KIF16B: variants seen among roughly 807,000 people sequenced by gnomAD.
The protein encoded by KIF16B is kinesin-like protein KIF16B.
Under a neutral mutation model 156.3 loss-of-function variants are expected in KIF16B, and 98 were observed. The observed-to-expected ratio is 0.63, with a 90% CI of 0.53 to 0.74. The LOEUF is 0.74. Among genes scored for constraint, KIF16B ranks in the 30% least tolerant of loss-of-function variants. The pLI is 0.00. For missense variants in KIF16B, 1,421 were observed against 1,606.5 expected, an observed-to-expected ratio of 0.88 and a Z score of 1.97; for synonymous variants, 564 against 583.7, an observed-to-expected ratio of 0.97 and a Z score of 0.49.
At chr20:16,423,876 T>A (rs953310177) in intron 15 of KIF16B, among the ~76,000 whole-genome samples, 3 of 152,038 alleles carry the variant, frequency 2.0e-5, no homozygotes, top group African/African-American at 7.2e-5. Flanking sequence ...TTTAACTGTG[T>A]ATCTTCCCAT....
intron 23 of KIF16B, 81 bp from the exon 24 acceptor site, chr20:16,336,096 AT>A: frequency 1.2e-6 from 1 of 843,758 alleles, no homozygotes; most frequent in Non-Finnish European, 1.9e-6. Context: ...TAAAAATTAA[AT>A]TTAAAAAAAG....
intron 11 of KIF16B, among the ~76,000 whole-genome samples, chr20:16,496,744 A>T (rs1450629988): frequency 6.6e-6 from 1 of 152,242 alleles, no homozygotes; most frequent in Non-Finnish European, 1.5e-5. Context: ...AATTTGAAGC[A>T]CTAATAAATA....
chr20:16,383,723 T>G (rs145313299), intron 17 of KIF16B, among the ~76,000 whole-genome samples: 81 of 152,346 alleles, frequency 5.3e-4, no homozygotes, highest in African/African-American at 1.8e-3. Flanking sequence ...TCAAAAAGAA[T>G]CATTGGATAA....
chr20:16,558,767 G>A (rs1002772873), intron 1 of KIF16B, among the ~76,000 whole-genome samples: 11 of 152,008 alleles, frequency 7.2e-5, no homozygotes, highest in African/African-American at 2.4e-4. Context: ...AGCTGGGTGC[G>A]GTGGTAGGCG....
rs113596879 is a variant in KIF16B at position 16,449,294 on chromosome 20, T to C, written c.1303-19312A>G. On this transcript the variant is annotated intron_variant, in intron 12 of 25. Coordinates refer to ENST00000354981, the MANE Select transcript of KIF16B (RefSeq NM_024704.5). ...AAAATTTTAAATTTTAAAAATAAAATTGTAAATCCTATAGTATCAACACAA... is the reference window on the plus strand; with the variant it reads ...AAAATTTTAAATTTTAAAAATAAAACTGTAAATCCTATAGTATCAACACAA... 1.4e-3 allele frequency among the ~76,000 whole-genome samples: 213 copies of C among 152,220 alleles called. 2 individuals carry two copies. Among genetic ancestry groups the C allele is most frequent in the African/African-American group, 4.5e-3 (186 of 41,538 alleles).
At chr20:16,292,890 T>C (rs977551704) in intron 25 of KIF16B, among the ~76,000 whole-genome samples, 1 of 152,180 alleles carries the variant, frequency 6.6e-6, no homozygotes. Flanking sequence ...AAGTAGCAAA[T>C]GCAATGTTAA....
chr20:16,427,251 A>G lies in KIF16B; in HGVS notation c.1475-10T>C. The G allele has an allele frequency of 6.2e-7, 1 of 1,601,050 alleles. No individual in the cohort carries two copies. The highest frequency in any genetic ancestry group is 8.5e-7 in the Non-Finnish European group (1 of 1,175,520). On this transcript the variant is annotated splice_polypyrimidine_tract_variant and intron_variant, in intron 14 of 25. Transcript: ENST00000354981. ...TCAAGGCCATGAAGAACTAAAGTGGAAAAACAAAGTAGAAAGAATTTTTCC... is the reference window on the plus strand; with the variant it reads ...TCAAGGCCATGAAGAACTAAAGTGGGAAAACAAAGTAGAAAGAATTTTTCC...
chr20:16,521,974 G>A (rs1166784741), intron 3 of KIF16B, among the ~76,000 whole-genome samples: 1 of 152,174 alleles, frequency 6.6e-6, no homozygotes, highest in Admixed American at 6.5e-5. Flanking sequence ...CAAATGCTGA[G>A]AGATTTTGCC....
chr20:16,536,960 A>G (rs1044753723), intron 1 of KIF16B, among the ~76,000 whole-genome samples: 1 of 151,876 alleles, frequency 6.6e-6, no homozygotes, highest in Admixed American at 6.6e-5. Context: ...CCCAACATTC[A>G]GTTACCTAGT....
At chr20:16,332,771 T>C (rs750930628) in intron 24 of KIF16B, among the ~76,000 whole-genome samples, 1 of 152,188 alleles carries the variant, frequency 6.6e-6, no homozygotes, top group South Asian at 2.1e-4. Flanking sequence ...AAAAAATTTT[T>C]CTTAATTATT....
At chr20:16,522,939 G>T (rs1267069253) in intron 3 of KIF16B, among the ~76,000 whole-genome samples, 2 of 152,030 alleles carry the variant, frequency 1.3e-5, no homozygotes, top group African/African-American at 4.8e-5. Flanking sequence ...AAAACCACAT[G>T]ATTATCTCAA....
intron 22 of KIF16B, among the ~76,000 whole-genome samples, chr20:16,362,653 A>C (rs1024491057): frequency 2.6e-5 from 4 of 152,240 alleles, no homozygotes; most frequent in African/African-American, 9.6e-5. Flanking sequence ...TATATTCTAG[A>C]GTAGAAAAGT....
intron 8 of KIF16B, 42 bp from the exon 9 acceptor site, chr20:16,505,895 A>T (rs1434353314): frequency 6.2e-7 from 1 of 1,608,116 alleles, no homozygotes; most frequent in Non-Finnish European, 8.5e-7. Flanking sequence ...GACAATTAGT[A>T]AAATTTTTTT....
chr20:16,523,026 A>C (rs1388138804), intron 3 of KIF16B, among the ~76,000 whole-genome samples: 1 of 152,200 alleles, frequency 6.6e-6, no homozygotes, highest in Admixed American at 6.5e-5. Flanking sequence ...TATTGATGGA[A>C]GGTATCTCAA....
At chr20:16,273,485 GT>G in intron 25 of KIF16B, 74 bp from the exon 26 acceptor site, 1 of 1,239,360 alleles carries the variant, frequency 8.1e-7, no homozygotes, top group Non-Finnish European at 1.2e-6. Context: ...GAGCTCAGGA[GT>G]TTGAGACCAG....
intron 25 of KIF16B, among the ~76,000 whole-genome samples, chr20:16,311,771 C>T (rs559061936): frequency 1.1e-4 from 17 of 152,136 alleles, no homozygotes; most frequent in Non-Finnish European, 2.4e-4. Context: ...AAAAGAAATA[C>T]AAACTAGATA....
intron 17 of KIF16B, among the ~76,000 whole-genome samples, chr20:16,401,982 AAC>A (rs1442312848): frequency 6.6e-6 from 1 of 152,138 alleles, no homozygotes; most frequent in African/African-American, 2.4e-5. Flanking sequence ...TCTCTTAAAA[AAC>A]AGTCAAACCC....
chr20:16,395,970 G>A (rs972275926), intron 17 of KIF16B, among the ~76,000 whole-genome samples: 1 of 152,078 alleles, frequency 6.6e-6, no homozygotes, highest in Non-Finnish European at 1.5e-5. Flanking sequence ...TATGTACTCT[G>A]GCCTGGCAAT....
At chr20:16,471,189 A>T (rs902868265) in intron 12 of KIF16B, among the ~76,000 whole-genome samples, 6 of 152,168 alleles carry the variant, frequency 3.9e-5, no homozygotes, top group Non-Finnish European at 8.8e-5. Context: ...TACAAAATTT[A>T]AAAAATTGAC....
Sources: allele counts gnomAD v4.1 joint callset (sites outside exome capture counted in the v4.1 genomes callset), GRCh38; gene constraint gnomAD v4.1.1; transcripts MANE v1.5; gene names NCBI Gene and HGNC (gene_info 2026-07-23, HGNC 2026-07-21).